The following GIPC2 variants were observed in gnomAD, a reference collection of about 807,000 sequenced individuals.
GIPC2 encodes the protein GIPC PDZ domain containing family member 2, also known as PDZ domain-containing protein GIPC2.
GIPC2 carries 30 observed loss-of-function variants against 30.6 expected under a neutral mutation model. The ratio of observed to expected loss-of-function variants is 0.98; its 90% CI spans 0.73 to 1.33. The LOEUF is 1.33. GIPC2 is among the 40% of genes most tolerant of loss of function. GIPC2 has a pLI of 0.00. For missense variants in GIPC2, 414 were observed against 390.3 expected (o/e 1.06, Z -0.51); for synonymous variants, 167 against 150.0 (o/e 1.11, Z -0.83).
At chr1:78,111,368 C>T (rs1662462053) in intron 3 of GIPC2, among the ~76,000 whole-genome samples, 1 of 152,128 alleles carries the variant, frequency 6.6e-6, no homozygotes, top group Non-Finnish European at 1.5e-5. Context: ...TTACAAAGTG[C>T]CCTGTGAGGG....
chr1:78,127,478 G>T (rs914477344), intron 5 of GIPC2, among the ~76,000 whole-genome samples: 4 of 152,132 alleles, frequency 2.6e-5, no homozygotes, highest in Non-Finnish European at 5.9e-5. Flanking sequence ...TGGCCCATTT[G>T]GGGATTTGGC....
Position 78,046,022 on chromosome 1 carries a change from C to A in GIPC2, c.-73C>A, listed in dbSNP as rs762098841. 19 of 1,395,740 alleles carry A rather than the reference C, an allele frequency of 1.4e-5. No individual in the cohort carries two copies. Among genetic ancestry groups the A allele is most frequent in the Non-Finnish European group, 1.8e-5 (19 of 1,077,594 alleles). The allele number at this position is 1,395,740 out of a possible 1,614,324, so 86.5% of individuals were successfully genotyped here. A position where few individuals can be genotyped will look rare whatever the true frequency, so the allele number is the denominator to read the frequency against. Reference sequence around the variant, plus strand: ...TTTTACCTGCGCGGGGCCCGGGGCGCAAAGTCCGAGGCGCCGGGGGGAGGA... The same window carrying A: ...TTTTACCTGCGCGGGGCCCGGGGCGAAAAGTCCGAGGCGCCGGGGGGAGGA... On this transcript the variant is annotated 5_prime_UTR_variant, in exon 1 of 6. Transcript: ENST00000370759.
At chr1:78,052,320 C>A (rs752173955) in intron 1 of GIPC2, among the ~76,000 whole-genome samples, 7 of 152,154 alleles carry the variant, frequency 4.6e-5, no homozygotes, top group Non-Finnish European at 8.8e-5. Context: ...GCCCCCTTGC[C>A]CCAATAGAAG....
chr1:78,097,540 A>G (rs1326297865), intron 3 of GIPC2, among the ~76,000 whole-genome samples: 2 of 152,238 alleles, frequency 1.3e-5, no homozygotes, highest in Admixed American at 1.3e-4. Context: ...CAATGGCGTA[A>G]CTAGGACTGC....
chr1:78,113,976 A>G (rs753280008), intron 3 of GIPC2, among the ~76,000 whole-genome samples: 1 of 151,904 alleles, frequency 6.6e-6, no homozygotes, highest in Admixed American at 6.6e-5. Flanking sequence ...TCATCAGCTC[A>G]TGTACTTTTA....
intron 1 of GIPC2, among the ~76,000 whole-genome samples, chr1:78,077,822 A>G (rs1273761012): frequency 6.6e-6 from 1 of 152,210 alleles, no homozygotes; most frequent in Non-Finnish European, 1.5e-5. Flanking sequence ...GTAGCTTCTT[A>G]AGGTTCCTTC....
At chr1:78,080,587 T>C (rs1661806678) in intron 1 of GIPC2, 88 bp from the exon 2 acceptor site, 2 of 712,350 alleles carry the variant, frequency 2.8e-6, no homozygotes, top group Non-Finnish European at 4.7e-6. Flanking sequence ...AATTGAGGAG[T>C]ATTTCAGTCA....
intron 1 of GIPC2, among the ~76,000 whole-genome samples, chr1:78,050,403 G>C (rs1661174233): frequency 2.0e-5 from 3 of 152,266 alleles, no homozygotes; most frequent in Admixed American, 1.3e-4. Context: ...TGTGGTCCCT[G>C]AAGGAATAAG....
rs760390863 is a variant in GIPC2, at chr1:78,137,431, T to C, written c.*1688T>C. Reference sequence around the variant, plus strand: ...AAAATAAATTTATCAGCACTAGATATTAGATTTGAAATAAGTCATTGTTCA... The same window carrying C: ...AAAATAAATTTATCAGCACTAGATACTAGATTTGAAATAAGTCATTGTTCA... On this transcript the variant is annotated 3_prime_UTR_variant, in exon 6 of 6. Transcript: ENST00000370759. The C allele has an allele frequency of 6.6e-6, 1 of 152,204 alleles. No individual in the cohort carries two copies. The highest frequency in any genetic ancestry group is 1.9e-4 in the East Asian group (1 of 5,202). 9.4% of individuals were successfully genotyped at this position (152,204 alleles called of 1,614,324 possible).
At chr1:78,130,572 A>T (rs1485612651) in intron 5 of GIPC2, among the ~76,000 whole-genome samples, 1 of 152,228 alleles carries the variant, frequency 6.6e-6, no homozygotes, top group Non-Finnish European at 1.5e-5. Flanking sequence ...ATTTATAAAA[A>T]GTCTTAGGAA....
chr1:78,101,715 C>T (rs1662253108), intron 3 of GIPC2, among the ~76,000 whole-genome samples: 1 of 152,176 alleles, frequency 6.6e-6, no homozygotes, highest in South Asian at 2.1e-4. Flanking sequence ...ATTCCCAGTC[C>T]TTATCAAGTA....
rs372441803 is a variant in GIPC2, at chr1:78,102,309, T to C, written c.607+7177T>C. On this transcript the variant is annotated intron_variant, in intron 3 of 5. Coordinates refer to ENST00000370759, the MANE Select transcript of GIPC2 (RefSeq NM_017655.6). ...TCACAGCTGGAAAACTCGGACCTCA[T>C]CTTCGTGATTCAGCTTAACTGATGT... is the stretch of plus-strand genomic sequence containing the variant. Among the ~76,000 whole-genome samples, 94 of 152,350 alleles carry C rather than the reference T, an allele frequency of 6.2e-4. No homozygotes were observed. The South Asian group carries it at 0.011, about 18-fold the overall frequency.
chr1:78,132,713 A>G (rs1662923699), intron 5 of GIPC2, among the ~76,000 whole-genome samples: 1 of 148,712 alleles, frequency 6.7e-6, no homozygotes, highest in South Asian at 2.1e-4. Context: ...AGAGAAATTG[A>G]TTCAGTGTCC....
chr1:78,079,307 T>C (rs1272292535), intron 1 of GIPC2, among the ~76,000 whole-genome samples: 4 of 152,194 alleles, frequency 2.6e-5, no homozygotes, highest in African/African-American at 9.6e-5. Context: ...TGGGATTTGC[T>C]CTGAGCTTGG....
At chr1:78,102,559 T>A (rs1399875734) in intron 3 of GIPC2, among the ~76,000 whole-genome samples, 1 of 152,228 alleles carries the variant, frequency 6.6e-6, no homozygotes, top group Non-Finnish European at 1.5e-5. Flanking sequence ...ACAAAAGAGA[T>A]GATAAATTTC....
chr1:78,135,694 T>C lies in GIPC2; in HGVS notation c.899T>C (p.Val300Ala). The change falls in exon 6 of 6, where the codon GTC becomes GCC. Residue 300 changes from valine to alanine, a missense_variant. Transcript: ENST00000370759. ...LGDFAFPDEF[V>A]FDVWGVIGDA... ...GACTTTGCGTTCCCAGACGAATTTG[T>C]CTTTGATGTTTGGGGAGTCATTGGT... 6.2e-7 allele frequency: 1 copy of C among 1,613,834 alleles called. No homozygotes were observed.
chr1:78,082,872 T>C (rs888681633), intron 2 of GIPC2, among the ~76,000 whole-genome samples: 1 of 152,182 alleles, frequency 6.6e-6, no homozygotes, highest in Non-Finnish European at 1.5e-5. Flanking sequence ...AGAACTCCCA[T>C]AAATCATTTA....
chr1:78,071,809 C>T (rs922165069), intron 1 of GIPC2, among the ~76,000 whole-genome samples: 1 of 152,172 alleles, frequency 6.6e-6, no homozygotes, highest in African/African-American at 2.4e-5. Flanking sequence ...AATTCTAGTT[C>T]TGACTTTGTC....
intron 3 of GIPC2, among the ~76,000 whole-genome samples, chr1:78,101,490 A>G (rs1662249167): frequency 6.6e-6 from 1 of 152,070 alleles, no homozygotes; most frequent in African/African-American, 2.4e-5. Flanking sequence ...TTTCAGTTTT[A>G]TTATCTTTGT....
Sources: allele counts gnomAD v4.1 joint callset (sites outside exome capture counted in the v4.1 genomes callset), GRCh38; gene constraint gnomAD v4.1.1; transcripts MANE v1.5; gene names NCBI Gene and HGNC (gene_info 2026-07-23, HGNC 2026-07-21).